Variants in CDNF observed in about 807,000 individuals in gnomAD.
The protein encoded by CDNF is cerebral dopamine neurotrophic factor, also known as ARMET-like protein 1.
In CDNF, 9 loss-of-function variants were observed where a neutral mutation model predicts 14.8. The observed-to-expected ratio is 0.61, with a 90% CI of 0.37 to 1.06. The LOEUF is 1.06. Among genes scored for constraint, CDNF ranks in the 50% least tolerant of loss-of-function variants. The pLI is 0.01. For synonymous variants in CDNF, 86 were observed against 87.2 expected, an observed-to-expected ratio of 0.99 and a Z score of 0.07; for missense variants, 228 against 228.4, an observed-to-expected ratio of 1.00 and a Z score of 0.01.
Position 14,826,029 on chromosome 10 carries a change from G to GAGAAGAAGAAGAAGAAGA in CDNF, c.244-427_244-410dup, listed in dbSNP as rs57619992. Among the ~76,000 whole-genome samples the GAGAAGAAGAAGAAGAAGA allele has an allele frequency of 3.9e-3, 338 of 86,162 alleles. 4 individuals are homozygous for GAGAAGAAGAAGAAGAAGA. The highest frequency in any genetic ancestry group is 6.8e-3 in the Middle Eastern group (1 of 146). The allele number at this position is 86,162 out of a possible 152,430, so 56.5% of individuals were successfully genotyped here. A position where few individuals can be genotyped will look rare whatever the true frequency, so the allele number is the denominator to read the frequency against. On this transcript the variant is annotated intron_variant, in intron 2 of 3. Transcript: ENST00000465530. The stretch of plus-strand genomic sequence containing the variant: ...GAAGCAGAAGCAGAAGAAGAAGAAG[G>GAGAAGAAGAAGAAGAAGA]AGAAGAAGAAGAAGAAGAAGAAGAA...
At chr10:14,827,656 G>A (rs890774282) in intron 2 of CDNF, among the ~76,000 whole-genome samples, 1 of 152,142 alleles carries the variant, frequency 6.6e-6, no homozygotes, top group African/African-American at 2.4e-5. Flanking sequence ...ACTTTGGGAG[G>A]CTGAGGTGGG....
intron 1 of CDNF, among the ~76,000 whole-genome samples, chr10:14,832,909 G>C (rs1489023656): frequency 2.1e-5 from 3 of 146,154 alleles, no homozygotes; most frequent in African/African-American, 5.1e-5. Context: ...GCCCAGGCTG[G>C]AGTGCAGCGG....
At chr10:14,820,200 G>T in intron 3 of CDNF, 42 bp from the exon 4 acceptor site, 1 of 1,586,272 alleles carries the variant, frequency 6.3e-7, no homozygotes. Flanking sequence ...AAAATAAATG[G>T]AAAAAAAATC....
At chr10:14,823,032 GAC>G (rs1446639126) in intron 3 of CDNF, among the ~76,000 whole-genome samples, 6 of 152,136 alleles carry the variant, frequency 3.9e-5, no homozygotes, top group Admixed American at 2.0e-4. Context: ...TGGCTGATCT[GAC>G]AGAATACTTT....
chr10:14,826,014 C>CAGAAGAAGGAGAAGGAGAAGGAGA (rs1833777660), intron 2 of CDNF, among the ~76,000 whole-genome samples: 1 of 92,774 alleles, frequency 1.1e-5, no homozygotes, highest in African/African-American at 5.4e-5. Context: ...GAAGCAGAAG[C>CAGAAGAAGGAGAAGGAGAAGGAGA]AGAAGAAGAA....
chr10:14,832,852 CTTTTTTTT>C lies in CDNF; in HGVS notation c.116-4588_116-4581del, dbSNP rs918887413. Among the ~76,000 whole-genome samples the C allele has an allele frequency of 6.3e-4, 51 of 80,498 alleles. No homozygotes were observed. In the East Asian group the frequency reaches 0.012, roughly 19 times the overall value. The allele number at this position is 80,498 out of a possible 152,430, so 52.8% of individuals were successfully genotyped here. On this transcript the variant is annotated intron_variant, in intron 1 of 3. Transcript: ENST00000465530. ...CAGGAATCTAATCTTTCTTTTTTTG[CTTTTTTTT>C]TTTTTTTTTTTTTTTTTGAGACAGA...
intron 2 of CDNF, 138 bp downstream of exon 2, chr10:14,828,007 A>G (rs1833813069): frequency 1.3e-6 from 1 of 773,566 alleles, no homozygotes; most frequent in Non-Finnish European, 2.2e-6. Flanking sequence ...TGGAAGATGG[A>G]TTTCTGCTTG....
At chr10:14,837,106 G>A (rs1001187308) in intron 1 of CDNF, among the ~76,000 whole-genome samples, 11 of 152,148 alleles carry the variant, frequency 7.2e-5, no homozygotes, top group Non-Finnish European at 2.9e-5. Context: ...GTAAAACATG[G>A]AGTGAGCGCT....
chr10:14,821,817 A>T (rs1253113243), intron 3 of CDNF, among the ~76,000 whole-genome samples: 2 of 152,180 alleles, frequency 1.3e-5, no homozygotes, highest in African/African-American at 2.4e-5. Context: ...CAAGAAGGAA[A>T]CTCATATATA....
chr10:14,830,543 T>C (rs534152149), intron 1 of CDNF, among the ~76,000 whole-genome samples: 1 of 151,974 alleles, frequency 6.6e-6, no homozygotes, highest in African/African-American at 2.4e-5. Flanking sequence ...TGGGTTCCTG[T>C]AAGTAAGACT....
intron 1 of CDNF, among the ~76,000 whole-genome samples, chr10:14,829,251 A>G (rs1420223379): frequency 6.6e-6 from 1 of 152,240 alleles, no homozygotes; most frequent in African/African-American, 2.4e-5. Flanking sequence ...GAAAAACCTG[A>G]ATAAGAATCC....
Position 14,826,128 on chromosome 10 carries a change from C to CAGGAGA in CDNF, c.244-514_244-509dup, listed in dbSNP as rs530706642. 1.4e-4 allele frequency among the ~76,000 whole-genome samples: 17 copies of CAGGAGA among 123,866 alleles called. 1 individual carries two copies. The highest frequency in any genetic ancestry group is 2.6e-4 in the African/African-American group (8 of 31,256). The allele number at this position is 123,866 out of a possible 152,430, so 81.3% of individuals were successfully genotyped here. A position where few individuals can be genotyped will look rare whatever the true frequency, so the allele number is the denominator to read the frequency against. ...GCAGCAGCAGCAGCAGCAGCAGAAGCAGGAGAAGGAGAAGGAGAAGGAGAA... is the reference window on the plus strand; with the variant it reads ...GCAGCAGCAGCAGCAGCAGCAGAAGCAGGAGAAGGAGAAGGAGAAGGAGAAGGAGAA... On this transcript the variant is annotated intron_variant, in intron 2 of 3. Transcript: ENST00000465530.
intron 2 of CDNF, among the ~76,000 whole-genome samples, 160 bp from the exon 3 acceptor site, chr10:14,825,780 T>A (rs1833774507): frequency 6.6e-6 from 1 of 151,690 alleles, no homozygotes; most frequent in Non-Finnish European, 1.5e-5. Context: ...GGGCAGATCA[T>A]TTGAGGTCAG....
rs1833723864 is a variant in CDNF, at chr10:14,820,011, T to G, written c.533A>C (p.Tyr178Ser). The G allele has an allele frequency of 6.2e-7, 1 of 1,613,970 alleles. No individual in the cohort carries two copies. Among genetic ancestry groups the G allele is most frequent in the Non-Finnish European group, 8.5e-7 (1 of 1,180,032 alleles). Residue 178 changes from tyrosine to serine, a missense_variant, in exon 4 of 4, where the codon TAT becomes TCT. Transcript: ENST00000465530. ...VNLIQELAPK[Y>S]AATHPKTEL Reference sequence around the variant, plus strand: ...CTCTGTTTTGGGGTGTGTCGCTGCATACTTGGGGGCCAGCTCTTGAATGAG... The same window carrying G: ...CTCTGTTTTGGGGTGTGTCGCTGCAGACTTGGGGGCCAGCTCTTGAATGAG...
chr10:14,835,701 C>T (rs948747538), intron 1 of CDNF, among the ~76,000 whole-genome samples: 1 of 152,036 alleles, frequency 6.6e-6, no homozygotes, highest in African/African-American at 2.4e-5. Flanking sequence ...AAAATAGTCC[C>T]ATAATATAAT....
chr10:14,826,008 C>CAGAAGAAGAAGA (rs1564313182), intron 2 of CDNF, among the ~76,000 whole-genome samples: 9 of 84,968 alleles, frequency 1.1e-4, no homozygotes, highest in Non-Finnish European at 1.4e-4. Flanking sequence ...GCAGAAGAAG[C>CAGAAGAAGAAGA]AGAAGCAGAA....
chr10:14,823,350 C>T (rs1046121861), intron 3 of CDNF, among the ~76,000 whole-genome samples: 15 of 152,152 alleles, frequency 9.9e-5, no homozygotes, highest in Non-Finnish European at 1.8e-4. Flanking sequence ...CCAAGGGCCT[C>T]TAGTGGCCAG....
At chr10:14,834,632 C>G (rs1833871780) in intron 1 of CDNF, among the ~76,000 whole-genome samples, 1 of 152,156 alleles carries the variant, frequency 6.6e-6, no homozygotes, top group African/African-American at 2.4e-5. Flanking sequence ...CTTCAACAAA[C>G]TGAGCGCCTA....
chr10:14,837,751 G>A, intron 1 of CDNF, 81 bp downstream of exon 1: 3 of 762,560 alleles, frequency 3.9e-6, no homozygotes, highest in Non-Finnish European at 6.3e-6. Flanking sequence ...TTTATAGCCA[G>A]GGCCAGGAGA....
Sources: allele counts gnomAD v4.1 joint callset (sites outside exome capture counted in the v4.1 genomes callset), GRCh38; gene constraint gnomAD v4.1.1; transcripts MANE v1.5; gene names NCBI Gene and HGNC (gene_info 2026-07-23, HGNC 2026-07-21).